Variants in DARS1 observed in about 807,000 individuals in gnomAD.
The protein encoded by DARS1 is aspartate--tRNA ligase, cytoplasmic.
In DARS1, 51 loss-of-function variants were observed where a neutral mutation model predicts 68.8. The ratio of observed to expected loss-of-function variants is 0.74; its 90% confidence interval spans 0.59 to 0.94. The LOEUF is 0.94. DARS1 is among the 40% of genes least tolerant of loss of function. The pLI is 0.00. For synonymous variants in DARS1, 203 were observed against 190.4 expected (o/e 1.07, Z -0.55); for missense variants, 607 against 597.3 (o/e 1.02, Z -0.17).
rs1350611416 is a variant in DARS1 at position 135,961,444 on chromosome 2, A to C, written c.272T>G (p.Val91Gly). The change falls in exon 4 of 16, where the codon GTG becomes GGG. Residue 91 changes from valine to glycine, a missense_variant. Transcript: ENST00000264161. The part of the protein sequence containing the change: ...RQQQFNVQAL[V>G]AVGDHASKQM... ...CTTGCTTGCATGGTCTCCCACCGCCACAAGAGCCTGGACATTAAACTGCTG... is the reference window on the plus strand; with the variant it reads ...CTTGCTTGCATGGTCTCCCACCGCCCCAAGAGCCTGGACATTAAACTGCTG... 5 of 1,565,732 alleles carry C rather than the reference A, an allele frequency of 3.2e-6. No homozygotes were observed. In the Admixed American group the frequency reaches 8.3e-5, roughly 26 times the overall value.
intron 4 of DARS1, among the ~76,000 whole-genome samples, chr2:135,953,055 C>T (rs996859043): frequency 1.3e-5 from 2 of 152,182 alleles, no homozygotes; most frequent in Admixed American, 1.3e-4. Context: ...CCATTAATCT[C>T]ATTTTCTCCA....
At chr2:135,913,773 T>A (rs1022003204) in intron 12 of DARS1, among the ~76,000 whole-genome samples, 2 of 151,552 alleles carry the variant, frequency 1.3e-5, no homozygotes, top group Non-Finnish European at 2.9e-5. Context: ...AAAAAAAAAA[T>A]TACATTCCAA....
intron 12 of DARS1, 99 bp from the exon 13 acceptor site, chr2:135,912,665 T>C: frequency 3.7e-6 from 2 of 542,762 alleles, no homozygotes; most frequent in Non-Finnish European, 6.6e-6. Flanking sequence ...TTCTTCGTAA[T>C]TACTCTAATT....
chr2:135,949,427 A>T (rs937048312), intron 4 of DARS1, among the ~76,000 whole-genome samples: 39 of 152,182 alleles, frequency 2.6e-4, no homozygotes, highest in Admixed American at 5.9e-4. Flanking sequence ...ATACAAAAAA[A>T]TTTTTTTTAA....
chr2:135,907,242 C>CTTTTTTTTTTTTTTTTTTTTTTTTTTT lies in DARS1; in HGVS notation c.*73_*74insAAAAAAAAAAAAAAAAAAAAAAAAAAA, dbSNP rs992435404. ...TACTGAAAAGAATAAGTGTGGCTTT[C>CTTTTTTTTTTTTTTTTTTTTTTTTTTT]TTTTTTTTTTTTTTTTTTTGAGGCA... is the stretch of plus-strand genomic sequence containing the variant. On this transcript the variant is annotated 3_prime_UTR_variant, in exon 16 of 16. Transcript: ENST00000264161. 2.4e-5 allele frequency: 11 copies of CTTTTTTTTTTTTTTTTTTTTTTTTTTT among 453,720 alleles called. No homozygotes were observed. In the African/African-American group the frequency reaches 2.5e-4, roughly 11 times the overall value. The allele number at this position is 453,720 out of a possible 1,614,324, so 28.1% of individuals were successfully genotyped here.
At chr2:135,913,182 T>C (rs1680933114) in intron 12 of DARS1, among the ~76,000 whole-genome samples, 1 of 152,092 alleles carries the variant, frequency 6.6e-6, no homozygotes. Flanking sequence ...ATGCATTTTA[T>C]AATGAAAAAA....
rs145922274 is a variant in DARS1, at chr2:135,913,912, T to C, written c.1149+557A>G. On this transcript the variant is annotated intron_variant, in intron 12 of 15. Transcript: ENST00000264161. The stretch of plus-strand genomic sequence containing the variant: ...TGAATATTGTATGACTTCAGAAATA[T>C]CAGTTCTCTAGTCTAACAGTTTCAA... 3.9e-5 allele frequency among the ~76,000 whole-genome samples: 6 copies of C among 152,322 alleles called. No individual in the cohort carries two copies. The East Asian group carries it at 1.2e-3, about 29-fold the overall frequency.
Position 135,965,260 on chromosome 2 carries a change from A to G in DARS1, c.218-3762T>C, listed in dbSNP as rs113155677. 1.2e-3 allele frequency among the ~76,000 whole-genome samples: 188 copies of G among 152,302 alleles called. 1 individual carries two copies. Among genetic ancestry groups the G allele is most frequent in the African/African-American group, 4.3e-3 (179 of 41,558 alleles). ...GAATGAAAGAACATCTATATACAAAATAAATCAAAGGAACAATAACACTGA... is the reference window on the plus strand; with the variant it reads ...GAATGAAAGAACATCTATATACAAAGTAAATCAAAGGAACAATAACACTGA... On this transcript the variant is annotated intron_variant, in intron 3 of 15. Transcript: ENST00000264161.
intron 12 of DARS1, 129 bp downstream of exon 12, chr2:135,914,340 T>A: frequency 1.5e-6 from 1 of 672,166 alleles, no homozygotes; most frequent in Non-Finnish European, 2.6e-6. Context: ...TTTAATGTTG[T>A]CCTTCTTCGG....
chr2:135,915,039 T>C (rs548540074), intron 11 of DARS1, among the ~76,000 whole-genome samples: 12 of 152,242 alleles, frequency 7.9e-5, no homozygotes, highest in East Asian at 7.7e-4. Flanking sequence ...CCTAAGCTTA[T>C]AGGATTTTCA....
In DARS1 at chr2:135,912,099, G is replaced by A. The variant is rs78258066; in HGVS notation, c.1230+387C>T. ...TTAGAAACCACTGCAATGGAAAAAC[G>A]GTAAAAGACCGTAAGACATTATTTA... On this transcript the variant is annotated intron_variant, in intron 13 of 15. Coordinates refer to ENST00000264161, the MANE Select transcript of DARS1 (RefSeq NM_001349.4). 7.6e-3 allele frequency among the ~76,000 whole-genome samples: 1,148 copies of A among 152,044 alleles called. 11 individuals are homozygous for A. Among genetic ancestry groups the A allele is most frequent in the African/African-American group, 0.026 (1,081 of 41,458 alleles).
chr2:135,983,478 G>A (rs1324112822), intron 1 of DARS1, 24 bp from the exon 2 acceptor site: 6 of 881,466 alleles, frequency 6.8e-6, no homozygotes, highest in Non-Finnish European at 1.1e-5. Flanking sequence ...TTTTTGCATC[G>A]TGACTTTTTA....
chr2:135,978,550 G>A (rs1867632), intron 3 of DARS1, among the ~76,000 whole-genome samples: 3,461 of 152,302 alleles, frequency 0.023, 103 homozygotes, highest in African/African-American at 0.067. Context: ...TTATAAACTA[G>A]TGTGTCAATT....
intron 4 of DARS1, among the ~76,000 whole-genome samples, chr2:135,957,143 C>T (rs566989389): frequency 1.3e-5 from 2 of 152,272 alleles, no homozygotes; most frequent in East Asian, 3.9e-4. Context: ...CAGCTCACTG[C>T]AGCCTGGATC....
chr2:135,934,635 G>GAAACAA (rs1477787509), intron 5 of DARS1, among the ~76,000 whole-genome samples: 2 of 151,342 alleles, frequency 1.3e-5, no homozygotes, highest in East Asian at 3.9e-4. Flanking sequence ...AACAAAAACA[G>GAAACAA]AAACAAAAAC....
intron 4 of DARS1, among the ~76,000 whole-genome samples, chr2:135,953,773 A>G (rs568831329): frequency 6.6e-6 from 1 of 152,196 alleles, no homozygotes; most frequent in Non-Finnish European, 1.5e-5. Context: ...TTATAGTGGA[A>G]GAGACAAACT....
intron 3 of DARS1, among the ~76,000 whole-genome samples, chr2:135,976,792 A>AC (rs1482779599): frequency 1.3e-5 from 2 of 152,014 alleles, no homozygotes; most frequent in Non-Finnish European, 2.9e-5. Context: ...CAAAAAAAAA[A>AC]AAAAAAAAAA....
At chr2:135,946,871 T>G (rs982879286) in intron 4 of DARS1, among the ~76,000 whole-genome samples, 5 of 152,060 alleles carry the variant, frequency 3.3e-5, no homozygotes, top group Admixed American at 2.6e-4. Context: ...CAAACTCATC[T>G]CCTAGGTTCA....
At position 135,952,653 on chromosome 2, in the gene DARS1, T is replaced by C. The variant is rs77340433; in HGVS notation, c.320+8743A>G. 8.5e-3 allele frequency among the ~76,000 whole-genome samples: 1,302 copies of C among 152,284 alleles called. 16 individuals are homozygous for C. Among genetic ancestry groups the C allele is most frequent in the African/African-American group, 0.028 (1,149 of 41,542 alleles). ...CCAGTATTTCTCTGTGTCCAGCTTA[T>C]TCCACTCAACATAATGCTCTGCAGG... is the stretch of plus-strand genomic sequence containing the variant. On this transcript the variant is annotated intron_variant, in intron 4 of 15. Transcript: ENST00000264161.
Sources: gnomAD v4.1 joint callset for allele counts (sites outside exome capture counted in the v4.1 genomes callset) on GRCh38, gnomAD v4.1.1 for gene constraint, MANE v1.5 for transcripts, NCBI Gene and HGNC (gene_info 2026-07-23, HGNC 2026-07-21) for gene names.